The following EXOC6 variants were observed in gnomAD, a reference collection of about 807,000 sequenced individuals.
The protein encoded by EXOC6 is exocyst complex component 6.
In EXOC6, 60 loss-of-function variants were observed where a neutral mutation model predicts 112.5. The ratio of observed to expected loss-of-function variants is 0.53; its 90% confidence interval spans 0.43 to 0.66. EXOC6 has a LOEUF of 0.66. Among genes scored for constraint, EXOC6 ranks in the 30% least tolerant of loss-of-function variants. EXOC6 has a pLI of 0.00. For missense variants in EXOC6, 855 were observed against 957.1 expected, an observed-to-expected ratio of 0.89 and a Z score of 1.41; for synonymous variants, 295 against 308.0, an observed-to-expected ratio of 0.96 and a Z score of 0.44.
In EXOC6 at chr10:93,058,220, T is replaced by C. The variant is rs778599443; in HGVS notation, c.2283-3T>C. 3.1e-5 allele frequency: 49 copies of C among 1,599,940 alleles called. No individual in the cohort carries two copies. Among genetic ancestry groups the C allele is most frequent in the Non-Finnish European group, 4.0e-5 (47 of 1,176,798 alleles). ...AAGCTTCTTCATTCACATATGTTTC[T>C]AGGATGAAGGATACTAGCAAAAAGA... On this transcript the variant is annotated splice_region_variant and splice_polypyrimidine_tract_variant and intron_variant, in intron 21 of 21. Transcript: ENST00000260762.
At chr10:93,017,113 G>A (rs1474878838) in intron 20 of EXOC6, among the ~76,000 whole-genome samples, 1 of 151,956 alleles carries the variant, frequency 6.6e-6, no homozygotes, top group African/African-American at 2.4e-5. Context: ...ACTGCACTCA[G>A]CCTAACCATG....
At chr10:93,009,280 A>T (rs1844133425) in intron 19 of EXOC6, among the ~76,000 whole-genome samples, 1 of 152,226 alleles carries the variant, frequency 6.6e-6, no homozygotes, top group Non-Finnish European at 1.5e-5. Context: ...ATTGCAGAAC[A>T]TTCTCTTGGA....
intron 12 of EXOC6, among the ~76,000 whole-genome samples, chr10:92,938,604 T>G (rs544195953): frequency 6.6e-6 from 1 of 152,298 alleles, no homozygotes; most frequent in South Asian, 2.1e-4. Flanking sequence ...TATTCCTTAC[T>G]GCCTATTAGG....
rs551812917 is a variant in EXOC6 at position 92,862,314 on chromosome 10, A to G, written c.101+13680A>G. ...ATTGTAGCATGAATCAATACTTGTT[A>G]TGTCTGAAGTTTCATGCCCCCCCCC... On this transcript the variant is annotated intron_variant, in intron 1 of 21. Transcript: ENST00000260762. Among the ~76,000 whole-genome samples, 106 of 145,252 alleles carry G rather than the reference A, an allele frequency of 7.3e-4. No homozygotes were observed. The Middle Eastern group carries it at 0.011, about 15-fold the overall frequency.
At chr10:93,043,597 A>G (rs1007400510) in intron 20 of EXOC6, among the ~76,000 whole-genome samples, 2 of 152,188 alleles carry the variant, frequency 1.3e-5, no homozygotes, top group Non-Finnish European at 2.9e-5. Flanking sequence ...CAAAGTGTCA[A>G]TGGAAACAAT....
chr10:93,029,971 C>T (rs920795429), intron 20 of EXOC6, among the ~76,000 whole-genome samples: 1 of 151,226 alleles, frequency 6.6e-6, no homozygotes, highest in Non-Finnish European at 1.5e-5. Context: ...CGCAATGGCG[C>T]GATCTCGGCT....
chr10:92,948,137 A>G (rs1853148691), intron 13 of EXOC6, 137 bp from the exon 14 acceptor site: 9 of 525,368 alleles, frequency 1.7e-5, no homozygotes, highest in Non-Finnish European at 1.0e-5. Context: ...ATGCTTAGGC[A>G]GTATCTTCCT....
intron 9 of EXOC6, among the ~76,000 whole-genome samples, chr10:92,931,573 C>G (rs963800667): frequency 6.6e-6 from 1 of 150,854 alleles, no homozygotes; most frequent in Non-Finnish European, 1.5e-5. Flanking sequence ...AATGTCTATT[C>G]AAATCTTTTG....
intron 18 of EXOC6, among the ~76,000 whole-genome samples, chr10:92,981,919 C>T (rs1220594999): frequency 6.6e-6 from 1 of 152,114 alleles, no homozygotes; most frequent in Non-Finnish European, 1.5e-5. Flanking sequence ...AGTTCGAGAC[C>T]AGCCTGACCA....
At chr10:92,863,361 A>G (rs1847998629) in intron 1 of EXOC6, among the ~76,000 whole-genome samples, 1 of 152,232 alleles carries the variant, frequency 6.6e-6, no homozygotes, top group Admixed American at 6.5e-5. Context: ...AATTTTTACT[A>G]GAGTAGCACA....
intron 17 of EXOC6, 129 bp downstream of exon 17, chr10:92,955,843 C>A: frequency 2.7e-6 from 2 of 749,284 alleles, no homozygotes; most frequent in South Asian, 2.3e-5. Flanking sequence ...TATTCATTGT[C>A]AACAATGAGC....
intron 11 of EXOC6, among the ~76,000 whole-genome samples, chr10:92,934,734 T>A (rs951808301): frequency 1.3e-5 from 2 of 152,174 alleles, no homozygotes; most frequent in Non-Finnish European, 2.9e-5. Context: ...AAAATGTTTT[T>A]AATTATCATT....
chr10:92,950,529 G>A (rs1853342708), intron 14 of EXOC6, among the ~76,000 whole-genome samples: 1 of 152,132 alleles, frequency 6.6e-6, no homozygotes, highest in African/African-American at 2.4e-5. Context: ...GGAGCTTATA[G>A]TCAAGTGAGG....
At chr10:92,903,518 C>A (rs929996411) in intron 5 of EXOC6, among the ~76,000 whole-genome samples, 20 of 151,656 alleles carry the variant, frequency 1.3e-4, no homozygotes, top group Non-Finnish European at 4.4e-5. Context: ...GCAAGAAAAC[C>A]TTTGGAATTG....
At chr10:92,924,759 G>A (rs1851616541) in intron 8 of EXOC6, among the ~76,000 whole-genome samples, 1 of 152,114 alleles carries the variant, frequency 6.6e-6, no homozygotes, top group Admixed American at 6.5e-5. Flanking sequence ...ATGAAGTCTA[G>A]GCTTTTAGTG....
chr10:93,042,490 T>C (rs577911125), intron 20 of EXOC6, among the ~76,000 whole-genome samples: 20 of 152,328 alleles, frequency 1.3e-4, no homozygotes, highest in African/African-American at 4.8e-4. Flanking sequence ...ATAGTGCTTG[T>C]CACATGTGAA....
At position 93,036,067 on chromosome 10, in the gene EXOC6, A is replaced by G. The variant is rs556483803; in HGVS notation, c.2170-20857A>G. Among the ~76,000 whole-genome samples the G allele has an allele frequency of 1.7e-4, 26 of 152,252 alleles. No individual in the cohort carries two copies. In the East Asian group the frequency reaches 5.0e-3, roughly 29 times the overall value. On this transcript the variant is annotated intron_variant, in intron 20 of 21. Coordinates refer to ENST00000260762, the MANE Select transcript of EXOC6 (RefSeq NM_019053.6). ...GAAACCCCATCTCTACTAAAAATAC[A>G]AAACATTAGGCATGATGGCGCATGC...
intron 5 of EXOC6, among the ~76,000 whole-genome samples, chr10:92,902,749 C>T (rs1343264282): frequency 6.6e-6 from 1 of 152,152 alleles, no homozygotes; most frequent in Non-Finnish European, 1.5e-5. Flanking sequence ...CCACAGTTTG[C>T]TCATACCTCC....
At position 92,940,735 on chromosome 10, in the gene EXOC6, T is replaced by A. The variant is rs1852619369; in HGVS notation, c.1221T>A (p.Gly407=). 1 of 1,598,040 alleles carries A rather than the reference T, an allele frequency of 6.3e-7. No homozygotes were observed. Among genetic ancestry groups the A allele is most frequent in the East Asian group, 2.2e-5 (1 of 44,484 alleles). Residue 407 remains glycine (G), a synonymous_variant, in exon 13 of 22, where the codon GGT becomes GGA. Coordinates refer to ENST00000260762, the MANE Select transcript of EXOC6 (RefSeq NM_019053.6). ...TTTTTTTTGTATTTTAGGGTTATGG[T>A]TTTCCAGTGAACCGACTTTTTGACC... The part of the protein sequence containing the change: ...VIFADTLQGY[G]FPVNRLFDLL...
Sources: gnomAD v4.1 joint callset for allele counts (sites outside exome capture counted in the v4.1 genomes callset) on GRCh38, gnomAD v4.1.1 for gene constraint, MANE v1.5 for transcripts, NCBI Gene and HGNC (gene_info 2026-07-23, HGNC 2026-07-21) for gene names.